Variants in KIFC2 observed in about 807,000 individuals in gnomAD.
KIFC2 encodes the protein kinesin-like protein KIFC2.
Under a neutral mutation model 91.5 loss-of-function variants are expected in KIFC2, and 94 were observed. That is an observed-to-expected ratio of 1.03 (90% CI 0.87 to 1.22). The LOEUF (loss-of-function observed/expected upper bound fraction) is 1.22. Among genes scored for constraint, KIFC2 ranks in the 50% most tolerant of loss-of-function variants. The pLI is 0.00. For missense variants in KIFC2, 1,357 were observed against 1,103.3 expected (o/e 1.23, Z -3.26); for synonymous variants, 729 against 503.9 (o/e 1.45, Z -5.98).
At position 144,467,014 on chromosome 8, in the gene KIFC2, G is replaced by C; in HGVS notation, c.234G>C (p.Ala78=). The C allele has an allele frequency of 6.3e-7, 1 of 1,596,454 alleles. No individual in the cohort carries two copies. Among genetic ancestry groups the C allele is most frequent in the Non-Finnish European group, 8.5e-7 (1 of 1,174,844 alleles). ...GCGCAGCCGAGGGCCGCGCGGCCGC[G>C]GTGTCCCTGGAAGAGGCCCTACTGC... ...SEGAAEGRAA[A]VSLEEALLRL... is the part of the protein sequence containing the mutation. The change falls in exon 3 of 18, where the codon GCG becomes GCC. Residue 78 remains alanine, a synonymous_variant. Transcript: ENST00000645548.
intron 10 of KIFC2, 61 bp from the exon 11 acceptor site, chr8:144,469,210 C>A: frequency 2.2e-6 from 3 of 1,362,242 alleles, no homozygotes; most frequent in Non-Finnish European, 3.0e-6. Flanking sequence ...GACCCTCCCA[C>A]CCCCCACCTC....
rs199781435 is a variant in KIFC2, at chr8:144,472,181, C to T, written c.1529C>T (p.Ser510Leu). Residue 510 changes from serine (S) to leucine (L), a missense_variant, in exon 14 of 18, where the codon TCG becomes TTG. Coordinates refer to ENST00000645548, the MANE Select transcript of KIFC2 (RefSeq NM_001369769.2). ...DPGIVPRALQ[S>L]LFREMGAGRQ... is the part of the protein sequence containing the mutation. The stretch of plus-strand genomic sequence containing the variant: ...GGCATAGTTCCTAGGGCGCTGCAGT[C>T]GCTGTTCCGGGAGATGGGGGCCGGC... The T allele has an allele frequency of 6.8e-6, 11 of 1,613,308 alleles. No individual in the cohort carries two copies. Among genetic ancestry groups the T allele is most frequent in the Non-Finnish European group, 8.5e-6 (10 of 1,180,002 alleles).
intron 10 of KIFC2, 140 bp downstream of exon 10, chr8:144,468,974 G>C (rs1017334253): frequency 2.9e-6 from 2 of 689,444 alleles, no homozygotes. Context: ...CCCAGGGTGG[G>C]ATTCCACTTC....
intron 10 of KIFC2, 122 bp downstream of exon 10, chr8:144,468,956 CTG>C: frequency 1.3e-6 from 1 of 750,918 alleles, no homozygotes; most frequent in Non-Finnish European, 2.2e-6. Context: ...CAAACAGCTT[CTG>C]TGTGACCCAG....
In KIFC2 at chr8:144,468,576, C is replaced by G. The variant is rs769656861; in HGVS notation, c.929C>G (p.Ala310Gly). ...QEVQLQGLQG[A>G]LQQLQQETEQ... ...GTGCAGCTGCAGGGCCTTCAAGGGG[C>G]CCTCCAGCAGCTCCAGCAGGAGACG... Residue 310 changes from alanine to glycine, a missense_variant, in exon 9 of 18, where the codon GCC becomes GGC. Physicochemically the swap from Ala to Gly is moderately conservative, Grantham distance 60. Coordinates refer to ENST00000645548, the MANE Select transcript of KIFC2 (RefSeq NM_001369769.2). 4 of 1,607,218 alleles carry G rather than the reference C, an allele frequency of 2.5e-6. No homozygotes were observed. The East Asian group carries it at 9.0e-5, about 36-fold the overall frequency.
intron 7 of KIFC2, 168 bp from the exon 8 acceptor site, chr8:144,468,161 G>A: frequency 2.8e-6 from 3 of 1,056,640 alleles, no homozygotes; most frequent in Non-Finnish European, 4.0e-6. Flanking sequence ...CCCTCTGAGT[G>A]GCTGACCCCA....
At position 144,473,734 on chromosome 8, in the gene KIFC2, AAAACGTTGC is replaced by A; in HGVS notation, c.*349_*357del. 2.3e-6 allele frequency: 1 copy of A among 442,618 alleles called. No individual in the cohort carries two copies. Among genetic ancestry groups the A allele is most frequent in the Non-Finnish European group, 4.0e-6 (1 of 251,356 alleles). 27.4% of individuals were successfully genotyped at this position (442,618 alleles called of 1,614,324 possible). A position where few individuals can be genotyped will look rare whatever the true frequency, so the allele number is the denominator to read the frequency against. On this transcript the variant is annotated 3_prime_UTR_variant, in exon 18 of 18. Coordinates refer to ENST00000645548, the MANE Select transcript of KIFC2 (RefSeq NM_001369769.2). ...TGACCCAAAAATCAGGCATGGCATT[AAAACGTTGC>A]AAATTCCTTTACTGTTATCCCCCCC... is the stretch of plus-strand genomic sequence containing the variant.
Position 144,469,602 on chromosome 8 carries a change from A to G in KIFC2, c.1335A>G (p.Arg445=). 6.2e-7 allele frequency: 1 copy of G among 1,611,784 alleles called. No homozygotes were observed. Among genetic ancestry groups the G allele is most frequent in the Non-Finnish European group, 8.5e-7 (1 of 1,179,218 alleles). The change falls in exon 12 of 18, where the codon CGA becomes CGG. Residue 445 remains arginine (R), a synonymous_variant. Coordinates refer to ENST00000645548, the MANE Select transcript of KIFC2 (RefSeq NM_001369769.2). ...CCTGCTACCGGGGGCGCCATCGTCG[A>G]TTCCGCCTAGACTGGGTCTTCCCTC... ...VTTCYRGRHR[R]FRLDWVFPPD...
rs764851098 is a variant in KIFC2, at chr8:144,466,805, C to G, written c.145C>G (p.Pro49Ala). 9.1e-6 allele frequency: 14 copies of G among 1,537,610 alleles called. No homozygotes were observed. The South Asian group carries it at 1.3e-4, about 14-fold the overall frequency. ...TCGCCGGCGCCCAGACCTGCCCGCGCCAGAGCTGTGGACCGAGCTGACCGG... is the reference window on the plus strand; with the variant it reads ...TCGCCGGCGCCCAGACCTGCCCGCGGCAGAGCTGTGGACCGAGCTGACCGG... ...RGRRRPDLPA[P>A]ELWTELTGLA... Residue 49 changes from proline to alanine, a missense_variant, in exon 2 of 18, where the codon CCA (proline) becomes GCA (alanine). Transcript: ENST00000645548.
rs1484537332 is a variant in KIFC2, at chr8:144,468,326, C to T, written c.811-3C>T. ...GTCCCTCCTGGCCCCCACCCTCCCG[C>T]AGGAGGAGGCAGAGGCATTGCTAGA... On this transcript the variant is annotated splice_region_variant and splice_polypyrimidine_tract_variant and intron_variant, in intron 7 of 17. Coordinates refer to ENST00000645548, the MANE Select transcript of KIFC2 (RefSeq NM_001369769.2). The T allele has an allele frequency of 6.2e-7, 1 of 1,609,340 alleles. No individual in the cohort carries two copies.
intron 5 of KIFC2, 34 bp from the exon 6 acceptor site, chr8:144,467,680 G>A (rs1179140368): frequency 2.5e-6 from 4 of 1,608,978 alleles, no homozygotes; most frequent in East Asian, 2.2e-5. Flanking sequence ...GCCAGAAAAA[G>A]GAGGTCCACC....
In KIFC2 at chr8:144,466,963, C is replaced by T. The variant is rs768219616; in HGVS notation, c.183C>T (p.Ser61=). ...LWTELTGLAA[S]SEPEDGSEGA... ...GCCCTCCTCCCTGACCGGCAGCCAG[C>T]TCCGAGCCTGAGGATGGGTCGGAAG... The change falls in exon 3 of 18, where the codon AGC becomes AGT. Residue 61 remains serine (S), a synonymous_variant. Coordinates refer to ENST00000645548, the MANE Select transcript of KIFC2 (RefSeq NM_001369769.2). 17 of 1,593,392 alleles carry T rather than the reference C, an allele frequency of 1.1e-5. No homozygotes were observed. Among genetic ancestry groups the T allele is most frequent in the East Asian group, 2.2e-5 (1 of 44,514 alleles).
chr8:144,473,630 A>C lies in KIFC2; in HGVS notation c.*241A>C. 3.8e-6 allele frequency: 2 copies of C among 522,972 alleles called. No homozygotes were observed. Among genetic ancestry groups the C allele is most frequent in the Non-Finnish European group, 6.2e-6 (2 of 320,568 alleles). The allele number at this position is 522,972 out of a possible 1,614,324, so 32.4% of individuals were successfully genotyped here. On this transcript the variant is annotated 3_prime_UTR_variant, in exon 18 of 18. Coordinates refer to ENST00000645548, the MANE Select transcript of KIFC2 (RefSeq NM_001369769.2). ...GGCCACAGGTCTTGGCTTTCTCCTTATCACCATTTGCTGTTATCACGGCAC... is the reference window on the plus strand; with the variant it reads ...GGCCACAGGTCTTGGCTTTCTCCTTCTCACCATTTGCTGTTATCACGGCAC...
chr8:144,466,717 C>T, intron 1 of KIFC2, 43 bp from the exon 2 acceptor site: 1 of 1,445,446 alleles, frequency 6.9e-7, no homozygotes, highest in Non-Finnish European at 9.2e-7. Flanking sequence ...GGCCAGCAGG[C>T]TGCCTGCCCC....
chr8:144,467,593 GGGCGT>G lies in KIFC2; in HGVS notation c.582_586del (p.Trp195AlafsTer129). ...CCCCTCCAGTTGGAGGAGGATCAGA[GGGCGT>G]GGCAGCGGCTGGAGCAGCTCATCCT... On this transcript the variant is annotated frameshift_variant, in exon 5 of 18. Coordinates refer to ENST00000645548, the MANE Select transcript of KIFC2 (RefSeq NM_001369769.2). LOFTEE classifies it high-confidence loss of function. 1 of 1,601,118 alleles carries G rather than the reference GGGCGT, an allele frequency of 6.2e-7. No homozygotes were observed. The highest frequency in any genetic ancestry group is 8.5e-7 in the Non-Finnish European group (1 of 1,173,302).
At position 144,473,055 on chromosome 8, in the gene KIFC2, G is replaced by A; in HGVS notation, c.2118+4G>A. On this transcript the variant is annotated splice_donor_region_variant and intron_variant, in intron 17 of 17. Transcript: ENST00000645548. ...CACCGCGGTGCTGCTGCTGCAGGTG[G>A]GCGCCGGGGCGGGGCAGGTGTGTGC... The A allele has an allele frequency of 7.0e-7, 1 of 1,424,940 alleles. No individual in the cohort carries two copies. 88.3% of individuals were successfully genotyped at this position (1,424,940 alleles called of 1,614,324 possible).
At chr8:144,472,741 C>T (rs1325106964) in intron 16 of KIFC2, 35 bp downstream of exon 16, 1 of 1,592,358 alleles carries the variant, frequency 6.3e-7, no homozygotes, top group Non-Finnish European at 8.5e-7. Context: ...TGCGGAGTCT[C>T]CAGAGCACCC....
chr8:144,466,850 C>G lies in KIFC2; in HGVS notation c.178+12C>G. On this transcript the variant is annotated intron_variant, in intron 2 of 17. Transcript: ENST00000645548. ...GACCGGCCTGGCCGGTAGGTGCGGG[C>G]TGGGAGTCCCGCGGTGCGAGGGCGG... is the stretch of plus-strand genomic sequence containing the variant. 1 of 1,536,640 alleles carries G rather than the reference C, an allele frequency of 6.5e-7. No individual in the cohort carries two copies. Among genetic ancestry groups the G allele is most frequent in the Non-Finnish European group, 8.7e-7 (1 of 1,147,860 alleles).
chr8:144,468,859 C>T (rs765562886), intron 10 of KIFC2, 25 bp downstream of exon 10: 13 of 1,582,072 alleles, frequency 8.2e-6, no homozygotes, highest in South Asian at 3.3e-5. Context: ...CCGCCTAGCC[C>T]CTCCTCTCTG....
Sources: gnomAD v4.1 joint callset for allele counts on GRCh38, gnomAD v4.1.1 for gene constraint, MANE v1.5 for transcripts, NCBI Gene and HGNC (gene_info 2026-07-23, HGNC 2026-07-21) for gene names.